The following CCT6A variants were observed in gnomAD, a reference collection of about 807,000 sequenced individuals.
The protein encoded by CCT6A is T-complex protein 1 subunit zeta.
CCT6A carries 6 observed loss-of-function variants against 58.6 expected under a neutral mutation model. The observed-to-expected ratio is 0.10, with a 90% CI of 0.06 to 0.20. The LOEUF (loss-of-function observed/expected upper bound fraction) is 0.20. CCT6A is among the 10% of genes least tolerant of loss of function. The pLI, the probability that CCT6A is intolerant of heterozygous loss-of-function variation, is 1.00. For synonymous variants in CCT6A, 245 were observed against 227.8 expected, an observed-to-expected ratio of 1.08 and a Z score of -0.68; for missense variants, 516 against 648.8, an observed-to-expected ratio of 0.80 and a Z score of 2.22.
At chr7:56,056,274 T>C in intron 4 of CCT6A, 37 bp from the exon 5 acceptor site, 3 of 1,054,492 alleles carry the variant, frequency 2.8e-6, no homozygotes, top group Non-Finnish European at 4.5e-6. Context: ...CTGCTGCAAA[T>C]TGAATTTACT....
rs756059683 is a variant in CCT6A, at chr7:56,060,949, G to A, written c.1347+9G>A. 2.7e-5 allele frequency: 43 copies of A among 1,587,338 alleles called. No individual in the cohort carries two copies. The Admixed American group carries it at 8.1e-4, about 30-fold the overall frequency. The stretch of plus-strand genomic sequence containing the variant: ...TGCTCATTATTCCCAAGGTGTGCAT[G>A]CTTTTAACAGTCAATCTTCCAAAAG... On this transcript the variant is annotated intron_variant, in intron 11 of 13. Transcript: ENST00000275603.
At chr7:56,056,546 A>T in intron 5 of CCT6A, 132 bp downstream of exon 5, 2 of 608,690 alleles carry the variant, frequency 3.3e-6, no homozygotes, top group Middle Eastern at 4.7e-4. Context: ...AACATGGGGA[A>T]ACCCCGTCTC....
At chr7:56,059,662 A>G (rs747826456) in intron 9 of CCT6A, 22 bp downstream of exon 9, 2 of 1,141,216 alleles carry the variant, frequency 1.8e-6, no homozygotes, top group South Asian at 1.2e-5. Context: ...TTTTTCTTAA[A>G]GGTAATAGAA....
Position 56,051,829 on chromosome 7 carries a change from T to C in CCT6A, c.-20T>C. ...CTCTGGGCACTCAGCATCGTTTCCTTTTCCTCCGCTGGAGCAGCTATGGCG... is the reference window on the plus strand; with the variant it reads ...CTCTGGGCACTCAGCATCGTTTCCTCTTCCTCCGCTGGAGCAGCTATGGCG... On this transcript the variant is annotated 5_prime_UTR_variant, in exon 1 of 14. Transcript: ENST00000275603. 6.4e-7 allele frequency: 1 copy of C among 1,551,400 alleles called. No individual in the cohort carries two copies. Among genetic ancestry groups the C allele is most frequent in the Non-Finnish European group, 8.7e-7 (1 of 1,148,282 alleles).
chr7:56,056,364 C>T lies in CCT6A; in HGVS notation c.564C>T (p.Leu188=). The change falls in exon 5 of 14, where the codon CTC becomes CTT. Residue 188 remains leucine, a synonymous_variant. Transcript: ENST00000275603. ...AAAAGCAAGATGAACCTATTGATCT[C>T]TTCATGATTGAGATCATGGAGATGA... The part of the protein sequence containing the change: ...AIKKQDEPID[L]FMIEIMEMKH... 1 of 1,603,046 alleles carries T rather than the reference C, an allele frequency of 6.2e-7. No individual in the cohort carries two copies. The highest frequency in any genetic ancestry group is 8.5e-7 in the Non-Finnish European group (1 of 1,169,910).
chr7:56,058,582 G>A (rs1794364877), intron 7 of CCT6A, 38 bp from the exon 8 acceptor site: 2 of 1,581,236 alleles, frequency 1.3e-6, no homozygotes, highest in African/African-American at 1.4e-5. Context: ...TACTTTTAAG[G>A]TGAAAGATGT....
chr7:56,053,006 C>A (rs1445416102), intron 2 of CCT6A, among the ~76,000 whole-genome samples: 1 of 152,110 alleles, frequency 6.6e-6, no homozygotes, highest in Non-Finnish European at 1.5e-5. Flanking sequence ...GTTGGCCAGG[C>A]TGGTCTTGAA....
rs1794090372 is a variant in CCT6A at position 56,051,910 on chromosome 7, C to T, written c.62C>T (p.Ala21Val). The change falls in exon 1 of 14, where the codon GCG (alanine) becomes GTG (valine). Residue 21 changes from alanine to valine, a missense_variant. Ala to Val is a moderately conservative substitution (Grantham distance 64). This residue lies in a region of CCT6A where 116 missense variants were observed against 184.5 expected (regional missense o/e 0.63). Transcript: ENST00000275603. ...GTGGCCCGAGCGCAGGCGGCGCTGG[C>T]GGTCAACATCAGCGCAGCGCGGGGT... is the stretch of plus-strand genomic sequence containing the variant. ...AEVARAQAAL[A>V]VNISAARGLQ... 1 of 1,553,308 alleles carries T rather than the reference C, an allele frequency of 6.4e-7. No homozygotes were observed. Among genetic ancestry groups the T allele is most frequent in the Non-Finnish European group, 8.7e-7 (1 of 1,148,492 alleles).
intron 1 of CCT6A, 77 bp downstream of exon 1, chr7:56,052,062 TG>T: frequency 8.2e-7 from 1 of 1,221,536 alleles, no homozygotes. Context: ...GACCGCGGAC[TG>T]GAGCCCGCCG....
At chr7:56,057,880 CA>C (rs34824881) in intron 5 of CCT6A, 112 bp from the exon 6 acceptor site, 1 of 675,844 alleles carries the variant, frequency 1.5e-6, no homozygotes. Context: ...GACTTCATCT[CA>C]AAAAAGAAAA....
chr7:56,057,965 A>G (rs2117342130), intron 5 of CCT6A, 28 bp from the exon 6 acceptor site: 1 of 1,185,072 alleles, frequency 8.4e-7, no homozygotes. Flanking sequence ...GAAAATCAAT[A>G]ACCATAATTT....
rs752093219 is a variant in CCT6A, at chr7:56,056,351, A to AACC, written c.552_554dup (p.Pro185dup). The AACC allele has an allele frequency of 1.9e-6, 3 of 1,602,052 alleles. No individual in the cohort carries two copies. Among genetic ancestry groups the AACC allele is most frequent in the Non-Finnish European group, 2.6e-6 (3 of 1,168,930 alleles). On this transcript the variant is annotated inframe_insertion, in exon 5 of 14. Coordinates refer to ENST00000275603, the MANE Select transcript of CCT6A (RefSeq NM_001762.4). ...ATTTTGGCCATTAAAAAGCAAGATG[A>AACC]ACCTATTGATCTCTTCATGATTGAG...
chr7:56,052,594 T>G, intron 2 of CCT6A, 109 bp downstream of exon 2: 1 of 937,866 alleles, frequency 1.1e-6, no homozygotes, highest in South Asian at 1.4e-5. Flanking sequence ...CATTCAGAAG[T>G]GGCGTGTAAT....
At chr7:56,057,361 G>GGTGT (rs55848963) in intron 5 of CCT6A, among the ~76,000 whole-genome samples, 248 of 150,864 alleles carry the variant, frequency 1.6e-3, no homozygotes, top group African/African-American at 3.5e-3. Context: ...TTCCCTTTGG[G>GGTGT]GTGTGTGTGT....
rs140044923 is a variant in CCT6A at position 56,059,683 on chromosome 7, C to T, written c.1065+43C>T. On this transcript the variant is annotated intron_variant, in intron 9 of 13. Transcript: ENST00000275603. ...TTAAAGGTAATAGAACCTTTTAGCT[C>T]GTGAATTATTTTTGTTTGTTTGTTT... 3,330 of 969,092 alleles carry T rather than the reference C, an allele frequency of 3.4e-3. 17 individuals carry two copies. Among genetic ancestry groups the T allele is most frequent in the Middle Eastern group, 0.023 (106 of 4,692 alleles). 60.0% of individuals were successfully genotyped at this position (969,092 alleles called of 1,614,324 possible).
At chr7:56,054,232 C>G (rs1256919334) in intron 2 of CCT6A, 137 bp from the exon 3 acceptor site, 3 of 649,420 alleles carry the variant, frequency 4.6e-6, no homozygotes, top group East Asian at 2.5e-5. Flanking sequence ...GATAGTTAAT[C>G]GAAGTAATTT....
chr7:56,060,968 C>A, intron 11 of CCT6A, 28 bp downstream of exon 11: 1 of 1,570,870 alleles, frequency 6.4e-7, no homozygotes, highest in Non-Finnish European at 8.6e-7. Flanking sequence ...AGTCAATCTT[C>A]CAAAAGATTC....
At chr7:56,059,768 A>G (rs746021637) in intron 9 of CCT6A, 128 bp downstream of exon 9, 1 of 586,746 alleles carries the variant, frequency 1.7e-6, no homozygotes, top group South Asian at 2.1e-5. Flanking sequence ...AGTTCACTAC[A>G]GCCTCATCTT....
At chr7:56,054,866 A>G (rs1451930056) in intron 3 of CCT6A, among the ~76,000 whole-genome samples, 2 of 152,252 alleles carry the variant, frequency 1.3e-5, no homozygotes, top group East Asian at 1.9e-4. Flanking sequence ...ACTAGTTCCA[A>G]GGTTAAAGCA....
Sources: gnomAD v4.1 joint callset for allele counts (sites outside exome capture counted in the v4.1 genomes callset) on GRCh38, gnomAD v4.1.1 for gene constraint, gnomAD v4.1.1 regional missense constraint, MANE v1.5 for transcripts, NCBI Gene and HGNC (gene_info 2026-07-23, HGNC 2026-07-21) for gene names.